Variants in MAPDA observed in about 807,000 individuals in gnomAD.
MAPDA encodes the protein N6,N6-dimethyl-AMP deaminase.
At chr15:43,340,195 G>A in the MAPDA span, 1 of 1,311,190 alleles carries the variant, frequency 7.6e-7, no homozygotes, top group Non-Finnish European at 1.1e-6. Context: ...TAAAGCTGTA[G>A]CACTTGGCAC....
the MAPDA span, chr15:43,349,435 A>G: frequency 1.5e-5 from 11 of 732,768 alleles, no homozygotes; most frequent in Non-Finnish European, 1.9e-5. Context: ...ATGTCTGTTG[A>G]TCATTACACA....
chr15:43,331,479 A>G, the MAPDA span, among the ~76,000 whole-genome samples: 2 of 152,158 alleles, frequency 1.3e-5, no homozygotes, highest in Non-Finnish European at 2.9e-5. Context: ...GCTGAAATAG[A>G]AAAGGAAATC....
chr15:43,343,033 G>T, the MAPDA span: 5 of 1,589,500 alleles, frequency 3.1e-6, no homozygotes, highest in Admixed American at 1.8e-5. Context: ...ATACTTGAAG[G>T]TATAAAACAG....
At chr15:43,350,246 T>C in the MAPDA span, among the ~76,000 whole-genome samples, 1 of 151,268 alleles carries the variant, frequency 6.6e-6, no homozygotes, top group Non-Finnish European at 1.5e-5. Context: ...TTTTTTTTTT[T>C]TTTGTATTTT....
At chr15:43,341,051 A>G in the MAPDA span, among the ~76,000 whole-genome samples, 1 of 152,214 alleles carries the variant, frequency 6.6e-6, no homozygotes, top group East Asian at 1.9e-4. Flanking sequence ...AGATCTGGCT[A>G]TGATCTGGAG....
the MAPDA span, chr15:43,340,376 A>C: frequency 6.3e-7 from 1 of 1,586,070 alleles, no homozygotes; most frequent in Non-Finnish European, 8.7e-7. Context: ...TTCTCAGCAA[A>C]TGTACTGTCC....
the MAPDA span, chr15:43,347,183 T>C: frequency 9.2e-7 from 1 of 1,092,536 alleles, no homozygotes. Flanking sequence ...TAAACCGGGA[T>C]TGGAAAAACA....
the MAPDA span, chr15:43,348,818 T>TA: frequency 7.1e-7 from 1 of 1,404,208 alleles, no homozygotes; most frequent in Non-Finnish European, 9.7e-7. Context: ...AAGTACTACT[T>TA]AGAGGGGCAG....
the MAPDA span, among the ~76,000 whole-genome samples, chr15:43,344,512 C>G: frequency 6.6e-6 from 1 of 152,052 alleles, no homozygotes; most frequent in African/African-American, 2.4e-5. Flanking sequence ...TCTGGGTATT[C>G]AAGAAATATT....
the MAPDA span, among the ~76,000 whole-genome samples, chr15:43,343,849 A>C: frequency 3.3e-5 from 5 of 151,562 alleles, no homozygotes; most frequent in African/African-American, 9.7e-5. Context: ...AGGCTATAAG[A>C]CTCTAAAAAT....
At chr15:43,339,029 C>T in the MAPDA span, among the ~76,000 whole-genome samples, 3 of 152,100 alleles carry the variant, frequency 2.0e-5, no homozygotes. Flanking sequence ...GCTGGGGTAG[C>T]TGAGTGTGGG....
the MAPDA span, chr15:43,332,044 A>C: frequency 6.6e-6 from 1 of 152,218 alleles, no homozygotes; most frequent in Admixed American, 6.5e-5. Flanking sequence ...CTGGGCACGT[A>C]TTAGTTGTGG....
the MAPDA span, chr15:43,332,113 A>T: frequency 6.6e-6 from 1 of 152,210 alleles, no homozygotes; most frequent in African/African-American, 2.4e-5. Context: ...AAGATTATGG[A>T]TAATCATAAG....
At chr15:43,342,446 T>TA in the MAPDA span, among the ~76,000 whole-genome samples, 449 of 113,586 alleles carry the variant, frequency 4.0e-3, 3 homozygotes, top group African/African-American at 5.9e-3. Context: ...ATATCCCTTT[T>TA]AAAAAAAAAA....
chr15:43,351,218 C>T, the MAPDA span: 36 of 570,844 alleles, frequency 6.3e-5, no homozygotes, highest in African/African-American at 1.9e-4. Flanking sequence ...CCCAGCTACT[C>T]GGGAGACTAA....
At chr15:43,342,898 A>G in the MAPDA span, 3 of 913,004 alleles carry the variant, frequency 3.3e-6, no homozygotes, top group Non-Finnish European at 5.0e-6. Context: ...GTCATAGCAT[A>G]AAGTGAAAAT....
chr15:43,335,856 CT>C, the MAPDA span: 3,232 of 1,589,066 alleles, frequency 2.0e-3, 9 homozygotes, highest in Middle Eastern at 2.5e-3. Context: ...GGACATACTC[CT>C]TTTTTTCTCT....
the MAPDA span, chr15:43,346,935 G>A: frequency 2.8e-6 from 3 of 1,053,218 alleles, no homozygotes; most frequent in Admixed American, 3.9e-5. Context: ...CTGCCATTAT[G>A]TTGTTTATTG....
chr15:43,349,217 C>T, the MAPDA span: 6 of 1,414,862 alleles, frequency 4.2e-6, no homozygotes, highest in East Asian at 1.3e-4. Flanking sequence ...CTTTAGCTTC[C>T]ATTAGAATAT....
Sources: allele counts gnomAD v4.1 joint callset (sites outside exome capture counted in the v4.1 genomes callset), GRCh38; gene constraint gnomAD v4.1.1; transcripts MANE v1.5; gene names NCBI Gene and HGNC (gene_info 2026-07-23, HGNC 2026-07-21).